MACF1: variants seen among roughly 807,000 people sequenced by gnomAD.
The protein encoded by MACF1 is microtubule-actin cross-linking factor 1.
MACF1 carries 193 observed loss-of-function variants against 854.8 expected under a neutral mutation model. That is an observed-to-expected ratio of 0.23 (90% confidence interval 0.20 to 0.25). MACF1 has a LOEUF of 0.25. Among genes scored for constraint, MACF1 ranks in the 10% least tolerant of loss-of-function variants. The pLI, the probability that MACF1 is intolerant of heterozygous loss-of-function variation, is 1.00. For synonymous variants in MACF1, 3,185 were observed against 3,226.7 expected (o/e 0.99, Z 0.44); for missense variants, 7,722 against 8,929.1 (o/e 0.86, Z 5.45).
intron 63 of MACF1, 122 bp downstream of exon 63, chr1:39,428,409 G>GTCCACTAACTA: frequency 4.2e-6 from 4 of 956,800 alleles, no homozygotes; most frequent in Non-Finnish European, 6.1e-6. Flanking sequence ...TTATACACAA[G>GTCCACTAACTA]TGCATAGTTA....
At chr1:39,453,601 C>T in intron 87 of MACF1, 106 bp from the exon 88 acceptor site, 1 of 970,814 alleles carries the variant, frequency 1.0e-6, no homozygotes, top group South Asian at 1.5e-5. Context: ...TGCGTTAACA[C>T]ATGGAGGAAA....
chr1:39,384,777 T>A (rs1349444218), intron 56 of MACF1, among the ~76,000 whole-genome samples: 1 of 152,198 alleles, frequency 6.6e-6, no homozygotes, highest in East Asian at 1.9e-4. Context: ...GGATCCAGTG[T>A]TCTGAACTCC....
chr1:39,294,050 C>G (rs184030620), intron 18 of MACF1, among the ~76,000 whole-genome samples: 4 of 152,242 alleles, frequency 2.6e-5, no homozygotes, highest in Non-Finnish European at 4.4e-5. Flanking sequence ...CCTAATAGCA[C>G]GTATTCCCCA....
chr1:39,414,239 C>T (rs754945302), intron 58 of MACF1: 78 of 1,614,064 alleles, frequency 4.8e-5, no homozygotes, highest in Non-Finnish European at 6.3e-5. Context: ...CCAGCTGCTG[C>T]AGTGCCTCCT....
chr1:39,085,464 T>C (rs1324090838), intron 2 of MACF1, among the ~76,000 whole-genome samples: 1 of 152,104 alleles, frequency 6.6e-6, no homozygotes, highest in African/African-American at 2.4e-5. Flanking sequence ...CTTCTTTGTG[T>C]CCCTCAAATA....
chr1:39,434,711 C>T (rs1643934475), intron 69 of MACF1, 79 bp downstream of exon 69: 4 of 1,228,738 alleles, frequency 3.3e-6, no homozygotes, highest in Admixed American at 2.3e-5. Flanking sequence ...TTGTTAGTGT[C>T]TATAGGTGCA....
At chr1:39,395,033 G>A (rs145443491) in intron 58 of MACF1, among the ~76,000 whole-genome samples, 30 of 152,240 alleles carry the variant, frequency 2.0e-4, no homozygotes, top group African/African-American at 7.2e-4. Flanking sequence ...ATCCTAAAAT[G>A]GATTTCTCAA....
At chr1:39,402,844 C>T (rs113715204) in intron 58 of MACF1, among the ~76,000 whole-genome samples, 1 of 152,080 alleles carries the variant, frequency 6.6e-6, no homozygotes, top group Admixed American at 6.5e-5. Context: ...AATTTACTTT[C>T]TGGACATTGT....
chr1:39,449,765 ACTGCAGCCT>A (rs1644300432), intron 84 of MACF1, among the ~76,000 whole-genome samples: 1 of 147,742 alleles, frequency 6.8e-6, no homozygotes, highest in African/African-American at 2.5e-5. Context: ...TGCAGAACTT[ACTGCAGCCT>A]CCAACTCCTG....
At chr1:39,240,638 A>G (rs890823476) in intron 2 of MACF1, among the ~76,000 whole-genome samples, 3 of 152,144 alleles carry the variant, frequency 2.0e-5, no homozygotes, top group Non-Finnish European at 4.4e-5. Flanking sequence ...AGCTGGGATT[A>G]CAGGCATGTG....
intron 2 of MACF1, among the ~76,000 whole-genome samples, chr1:39,246,527 A>G (rs1185126536): frequency 6.6e-6 from 1 of 151,774 alleles, no homozygotes; most frequent in Non-Finnish European, 1.5e-5. Context: ...TTTGTTTTTG[A>G]GACAAAGTTT....
chr1:39,093,822 C>A (rs1182953419), intron 2 of MACF1, among the ~76,000 whole-genome samples: 2 of 150,928 alleles, frequency 1.3e-5, no homozygotes, highest in Non-Finnish European at 3.0e-5. Context: ...GAGTCTTGCG[C>A]TTTTGCCTAG....
In MACF1 at chr1:39,340,600, T is replaced by C. The variant is rs1646915204; in HGVS notation, c.10314T>C (p.Ala3438=). 1 of 1,614,086 alleles carries C rather than the reference T, an allele frequency of 6.2e-7. No individual in the cohort carries two copies. Among genetic ancestry groups the C allele is most frequent in the South Asian group, 1.1e-5 (1 of 91,092 alleles). ...TCAGCCAGCCTCAAGAAGTTCCTGC[T>C]CAACTGTTGAAGGCTCTAGAGAAAG... is the stretch of plus-strand genomic sequence containing the variant. The part of the protein sequence containing the change: ...IIISQPQEVP[A]QLLKALEKDA... Residue 3438 remains alanine (A), a synonymous_variant, in exon 39 of 101, where the codon GCT becomes GCC. Coordinates refer to ENST00000564288, the MANE Select transcript of MACF1 (RefSeq NM_001394062.1).
intron 2 of MACF1, among the ~76,000 whole-genome samples, chr1:39,130,934 C>T (rs1476287503): frequency 2.7e-5 from 4 of 150,392 alleles, no homozygotes; most frequent in South Asian, 4.2e-4. Flanking sequence ...CTCCGCCTCC[C>T]GGGTTCAAGC....
At chr1:39,264,706 G>T (rs528292221) in intron 6 of MACF1, among the ~76,000 whole-genome samples, 3 of 123,146 alleles carry the variant, frequency 2.4e-5, no homozygotes, top group African/African-American at 6.2e-5. Flanking sequence ...TCGCTCTGTC[G>T]CCCAGGCCGG....
intron 22 of MACF1, among the ~76,000 whole-genome samples, chr1:39,300,882 CCAGGTA>C (rs1202558370): frequency 1.9e-4 from 29 of 152,162 alleles, no homozygotes; most frequent in African/African-American, 7.0e-4. Context: ...CAAAAATTAG[CCAGGTA>C]CAGTGACTTG....
At chr1:39,119,421 G>T (rs202133254) in intron 2 of MACF1, among the ~76,000 whole-genome samples, 1 of 51,978 alleles carries the variant, frequency 1.9e-5, no homozygotes, top group African/African-American at 4.0e-5. Context: ...TTCTTAGTTT[G>T]TTGTTGTTGT....
chr1:39,259,482 G>T (rs773194436), intron 6 of MACF1, among the ~76,000 whole-genome samples: 2 of 152,058 alleles, frequency 1.3e-5, no homozygotes. Flanking sequence ...GGCTAGTCTC[G>T]AACTCCTGCT....
intron 2 of MACF1, among the ~76,000 whole-genome samples, chr1:39,144,401 T>C (rs2148188366): frequency 6.6e-6 from 1 of 152,224 alleles, no homozygotes; most frequent in East Asian, 1.9e-4. Context: ...TAAACTTTTA[T>C]TTTTAGCAAC....
Sources: gnomAD v4.1 joint callset for allele counts (sites outside exome capture counted in the v4.1 genomes callset) on GRCh38, gnomAD v4.1.1 for gene constraint, MANE v1.5 for transcripts, NCBI Gene and HGNC (gene_info 2026-07-23, HGNC 2026-07-21) for gene names.